Variants in DDAH1 observed in about 807,000 individuals in gnomAD.
DDAH1 encodes N(G),N(G)-dimethylarginine dimethylaminohydrolase 1.
Under a neutral mutation model 28.8 loss-of-function variants are expected in DDAH1, and 19 were observed. The ratio of observed to expected loss-of-function variants is 0.66; its 90% CI spans 0.46 to 0.97. The LOEUF (loss-of-function observed/expected upper bound fraction) is 0.97. DDAH1 is among the 50% of genes least tolerant of loss of function. The pLI, the probability that DDAH1 is intolerant of heterozygous loss-of-function variation, is 0.00. For missense variants in DDAH1, 326 were observed against 375.9 expected (o/e 0.87, Z 1.10); for synonymous variants, 153 against 154.4 (o/e 0.99, Z 0.07).
At chr1:85,520,218 T>C (rs1411370682) in intron 1 of DDAH1, among the ~76,000 whole-genome samples, 1 of 152,154 alleles carries the variant, frequency 6.6e-6, no homozygotes, top group Non-Finnish European at 1.5e-5. Flanking sequence ...TGGTACAAGA[T>C]ATTTACCTTT....
At chr1:85,400,167 C>CTTTTCTTTTCTTTT (rs1353299073) in intron 1 of DDAH1, among the ~76,000 whole-genome samples, 2 of 96,056 alleles carry the variant, frequency 2.1e-5, no homozygotes, top group African/African-American at 3.8e-5. Flanking sequence ...GAATTCCTTT[C>CTTTTCTTTTCTTTT]TTTTCTTTTC....
At chr1:85,415,586 T>C (rs1393295202) in intron 1 of DDAH1, among the ~76,000 whole-genome samples, 1 of 152,166 alleles carries the variant, frequency 6.6e-6, no homozygotes, top group Non-Finnish European at 1.5e-5. Flanking sequence ...ACAGTAATGT[T>C]AAGTAAAATA....
intron 1 of DDAH1, among the ~76,000 whole-genome samples, chr1:85,376,532 C>T (rs922488889): frequency 1.3e-5 from 2 of 152,058 alleles, no homozygotes; most frequent in African/African-American, 4.8e-5. Flanking sequence ...CGCTTGCCTC[C>T]ATCCAGGCAG....
intron 4 of DDAH1, among the ~76,000 whole-genome samples, chr1:85,347,329 T>C (rs1434989886): frequency 3.3e-5 from 5 of 152,174 alleles, no homozygotes; most frequent in Admixed American, 3.3e-4. Flanking sequence ...ATGTTTACTG[T>C]GGCACTATTC....
intron 1 of DDAH1, among the ~76,000 whole-genome samples, chr1:85,457,411 G>A (rs776908650): frequency 2.7e-4 from 41 of 152,136 alleles, no homozygotes; most frequent in Middle Eastern, 3.4e-3. Context: ...ATCTGCCCCC[G>A]TGTTCTGCAA....
intron 1 of DDAH1, among the ~76,000 whole-genome samples, chr1:85,564,291 T>C (rs572165848): frequency 6.2e-4 from 95 of 152,250 alleles, no homozygotes; most frequent in African/African-American, 2.2e-3. Flanking sequence ...ACTTGAGATA[T>C]AGCATTAGAA....
At chr1:85,390,591 G>T (rs1341580061) in intron 1 of DDAH1, among the ~76,000 whole-genome samples, 1 of 152,108 alleles carries the variant, frequency 6.6e-6, no homozygotes, top group Non-Finnish European at 1.5e-5. Context: ...ACCCAAAGAG[G>T]GCATGGGGTT....
At chr1:85,450,982 C>CT (rs1222597934) in intron 1 of DDAH1, among the ~76,000 whole-genome samples, 2 of 152,166 alleles carry the variant, frequency 1.3e-5, no homozygotes, top group Non-Finnish European at 2.9e-5. Context: ...TCAGTTGAGT[C>CT]TGATGACCTA....
At chr1:85,400,188 T>TTC (rs1557582248) in intron 1 of DDAH1, among the ~76,000 whole-genome samples, 7 of 99,520 alleles carry the variant, frequency 7.0e-5, no homozygotes, top group African/African-American at 2.4e-4. Flanking sequence ...TTTTTTTTTT[T>TTC]TTTTTTTTTT....
At chr1:85,435,765 C>T (rs1049057513) in intron 1 of DDAH1, among the ~76,000 whole-genome samples, 1 of 152,098 alleles carries the variant, frequency 6.6e-6, no homozygotes, top group African/African-American at 2.4e-5. Flanking sequence ...TATGATTGTG[C>T]TGGACCACTT....
intron 1 of DDAH1, among the ~76,000 whole-genome samples, chr1:85,511,155 G>A (rs201029286): frequency 4.6e-5 from 7 of 151,984 alleles, no homozygotes; most frequent in East Asian, 1.9e-4. Context: ...ACTGTCTCTC[G>A]GACCACACTG....
At chr1:85,503,852 G>T (rs776581735) in intron 1 of DDAH1, among the ~76,000 whole-genome samples, 1 of 152,144 alleles carries the variant, frequency 6.6e-6, no homozygotes, top group South Asian at 2.1e-4. Context: ...GGCAGGTGAT[G>T]ATGGGGGAAA....
intron 1 of DDAH1, among the ~76,000 whole-genome samples, chr1:85,527,015 C>T (rs1570643419): frequency 6.6e-6 from 1 of 152,122 alleles, no homozygotes; most frequent in Admixed American, 6.6e-5. Context: ...TTCTTGAATT[C>T]ATTAAAAGTA....
chr1:85,463,191 A>G (rs1655202245), intron 1 of DDAH1, among the ~76,000 whole-genome samples: 1 of 152,250 alleles, frequency 6.6e-6, no homozygotes. Context: ...TTTAAAATGT[A>G]TGCTTCAAAA....
At chr1:85,332,934 G>C (rs78193202) in intron 4 of DDAH1, among the ~76,000 whole-genome samples, 8,106 of 152,234 alleles carry the variant, frequency 0.053, 290 homozygotes, top group South Asian at 0.18. Context: ...ATATCAGTGA[G>C]TGCCCATGGG....
chr1:85,357,282 G>C (rs1649538748), intron 2 of DDAH1, among the ~76,000 whole-genome samples: 1 of 152,126 alleles, frequency 6.6e-6, no homozygotes, highest in Non-Finnish European at 1.5e-5. Flanking sequence ...CCAAACCCCA[G>C]AGATGGACCA....
chr1:85,354,750 C>T (rs970169066), intron 2 of DDAH1, among the ~76,000 whole-genome samples: 1 of 151,644 alleles, frequency 6.6e-6, no homozygotes, highest in Middle Eastern at 3.4e-3. Context: ...TAAATGATAA[C>T]AAAAATATCC....
rs770173319 is a variant in DDAH1, at chr1:85,403,453, G to A, written c.304-44606C>T. Among the ~76,000 whole-genome samples, 5 of 152,226 alleles carry A rather than the reference G, an allele frequency of 3.3e-5. No individual in the cohort carries two copies. In the South Asian group the frequency reaches 1.0e-3, roughly 32 times the overall value. On this transcript the variant is annotated intron_variant, in intron 1 of 5. Coordinates refer to ENST00000284031, the MANE Select transcript of DDAH1 (RefSeq NM_012137.4). The stretch of plus-strand genomic sequence containing the variant: ...AACATCCCTAGGCTCTACTCTTCAG[G>A]AATCTTATTTCCAGGCACAGTGTCC...
intron 1 of DDAH1, among the ~76,000 whole-genome samples, chr1:85,511,868 AC>A (rs1570625597): frequency 6.6e-6 from 1 of 152,220 alleles, no homozygotes; most frequent in South Asian, 2.1e-4. Context: ...TAGCCTACCA[AC>A]CAAAAAAAGT....
Sources: gnomAD v4.1 joint callset for allele counts (sites outside exome capture counted in the v4.1 genomes callset) on GRCh38, gnomAD v4.1.1 for gene constraint, MANE v1.5 for transcripts, NCBI Gene and HGNC (gene_info 2026-07-23, HGNC 2026-07-21) for gene names.